LNX1: variants seen among roughly 807,000 people sequenced by gnomAD.
LNX1 encodes ligand of numb-protein X 1, also known as E3 ubiquitin-protein ligase LNX.
LNX1 carries 54 observed loss-of-function variants against 68.4 expected under a neutral mutation model. The observed-to-expected ratio is 0.79, with a 90% confidence interval of 0.63 to 0.99. LNX1 has a LOEUF of 0.99. Among genes scored for constraint, LNX1 ranks in the 50% least tolerant of loss-of-function variants. The probability of loss-of-function intolerance (pLI) is 0.00; values close to 1 mark genes in which losing one functional copy is unlikely to be tolerated. For missense variants in LNX1, 906 were observed against 926.4 expected (o/e 0.98, Z 0.29); for synonymous variants, 336 against 350.0 (o/e 0.96, Z 0.45).
chr4:53,635,308 C>T (rs939217802), intron 1 of LNX1, among the ~76,000 whole-genome samples: 11 of 152,292 alleles, frequency 7.2e-5, no homozygotes, highest in Middle Eastern at 3.4e-3. Context: ...AACTAGATCC[C>T]CCCTTCCGGA....
chr4:53,476,756 G>A lies in LNX1; in HGVS notation c.1889C>T (p.Pro630Leu). The A allele has an allele frequency of 1.2e-6, 2 of 1,613,636 alleles. No homozygotes were observed. Among genetic ancestry groups the A allele is most frequent in the Non-Finnish European group, 8.5e-7 (1 of 1,179,548 alleles). ...GGGATGTTGTGTTTGGACTTACCGT[G>A]GTAATTCCAGCCACATGACCCAGGA... ...SPSWVMWLELPRCLYNCKDIV... is the reference protein window; with the variant it reads ...SPSWVMWLELLRCLYNCKDIV... The change falls in exon 9 of 11, where the codon CCA becomes CTA. Residue 630 changes from proline (P) to leucine (L), a missense_variant. Coordinates refer to ENST00000263925, the MANE Select transcript of LNX1 (RefSeq NM_001126328.3).
intron 1 of LNX1, chr4:53,575,919 G>C (rs1287359888): frequency 6.4e-7 from 1 of 1,566,314 alleles, no homozygotes; most frequent in Non-Finnish European, 8.6e-7. Context: ...AGGCTGTGCA[G>C]TGTCTTGGGG....
intron 6 of LNX1, among the ~76,000 whole-genome samples, chr4:53,492,473 A>G (rs1159032573): frequency 4.9e-5 from 7 of 142,194 alleles, no homozygotes; most frequent in African/African-American, 1.8e-4. Flanking sequence ...CTGCAACTTT[A>G]ACCTAAGTGT....
chr4:53,476,578 C>T (rs746076636), intron 9 of LNX1, among the ~76,000 whole-genome samples, 175 bp downstream of exon 9: 24 of 152,172 alleles, frequency 1.6e-4, no homozygotes, highest in Non-Finnish European at 2.6e-4. Context: ...CTAGAATGTC[C>T]GCATGCATTT....
intron 1 of LNX1, chr4:53,575,873 T>C (rs1375985616): frequency 6.3e-7 from 1 of 1,586,644 alleles, no homozygotes; most frequent in East Asian, 2.2e-5. Context: ...TTGCTGAAGT[T>C]TGTGGTCAGC....
At chr4:53,575,890 C>A in intron 1 of LNX1, 1 of 1,579,618 alleles carries the variant, frequency 6.3e-7, no homozygotes, top group Non-Finnish European at 8.6e-7. Context: ...CAGCAGCCTG[C>A]AAGGGGAGGA....
At chr4:53,508,368 C>A in intron 2 of LNX1, 141 bp from the exon 3 acceptor site, 1 of 1,023,700 alleles carries the variant, frequency 9.8e-7, no homozygotes, top group Non-Finnish European at 1.4e-6. Flanking sequence ...TATATCCTCT[C>A]TTCCCTTTTC....
intron 2 of LNX1, among the ~76,000 whole-genome samples, chr4:53,565,650 A>C (rs1033948948): frequency 2.0e-5 from 3 of 152,240 alleles, no homozygotes; most frequent in African/African-American, 7.2e-5. Context: ...TGGACAGAGA[A>C]TGACTTTGAC....
chr4:53,544,895 G>A (rs554486849), intron 2 of LNX1, among the ~76,000 whole-genome samples: 1 of 152,328 alleles, frequency 6.6e-6, no homozygotes, highest in African/African-American at 2.4e-5. Context: ...GCAATTGGCA[G>A]GGCCAGGCTC....
chr4:53,565,118 T>G (rs977731152), intron 2 of LNX1, among the ~76,000 whole-genome samples: 14 of 152,066 alleles, frequency 9.2e-5, no homozygotes, highest in Admixed American at 4.6e-4. Context: ...CAAAGCATCC[T>G]GGAAGCTCGA....
chr4:53,641,948 C>T (rs1413281359), intron 1 of LNX1, among the ~76,000 whole-genome samples: 1 of 152,056 alleles, frequency 6.6e-6, no homozygotes, highest in Non-Finnish European at 1.5e-5. Flanking sequence ...TGGGTTGTTT[C>T]CAGTCTGAGG....
chr4:53,521,816 A>C (rs7661420), intron 2 of LNX1, among the ~76,000 whole-genome samples: 67,083 of 151,896 alleles, frequency 0.44, 16,395 homozygotes, highest in South Asian at 0.54. Context: ...CTCTTTGGTT[A>C]CTGCTCTGCT....
intron 2 of LNX1, among the ~76,000 whole-genome samples, chr4:53,515,383 A>G (rs1726687061): frequency 6.6e-6 from 1 of 152,114 alleles, no homozygotes; most frequent in South Asian, 2.1e-4. Context: ...GAATTGTGGG[A>G]TTCACTCACA....
intron 9 of LNX1, among the ~76,000 whole-genome samples, chr4:53,473,693 A>G (rs560644369): frequency 2.6e-5 from 4 of 152,258 alleles, no homozygotes; most frequent in Non-Finnish European, 5.9e-5. Flanking sequence ...AGCAAATATA[A>G]CTAATGAGTA....
chr4:53,635,607 CT>C (rs1560702435), intron 1 of LNX1, among the ~76,000 whole-genome samples: 1 of 151,934 alleles, frequency 6.6e-6, no homozygotes, highest in South Asian at 2.1e-4. Context: ...TAAAAAATGT[CT>C]ATTGGGAAGT....
chr4:53,561,736 A>G (rs142543865), intron 2 of LNX1, among the ~76,000 whole-genome samples: 51 of 152,276 alleles, frequency 3.3e-4, no homozygotes, highest in African/African-American at 1.1e-3. Context: ...GGCCAATTAC[A>G]TCACGTTTTC....
intron 1 of LNX1, among the ~76,000 whole-genome samples, chr4:53,634,819 T>C (rs968916842): frequency 3.3e-5 from 5 of 151,704 alleles, no homozygotes; most frequent in Non-Finnish European, 5.9e-5. Context: ...TGTTTTTTTT[T>C]CTTTTTTAAT....
intron 2 of LNX1, among the ~76,000 whole-genome samples, chr4:53,599,586 T>G (rs1210584064): frequency 6.6e-6 from 1 of 152,176 alleles, no homozygotes; most frequent in African/African-American, 2.4e-5. Flanking sequence ...CATCCTGAAT[T>G]CTTTCTTGCA....
intron 2 of LNX1, among the ~76,000 whole-genome samples, chr4:53,536,330 A>ATTT (rs35962636): frequency 0.011 from 1,598 of 151,844 alleles, 32 homozygotes; most frequent in African/African-American, 0.037. Context: ...CTCACTCCAC[A>ATTT]TCTTCAAGAG....
Sources: gnomAD v4.1 joint callset for allele counts (sites outside exome capture counted in the v4.1 genomes callset) on GRCh38, gnomAD v4.1.1 for gene constraint, MANE v1.5 for transcripts, NCBI Gene and HGNC (gene_info 2026-07-23, HGNC 2026-07-21) for gene names.